COL4A2: variants seen among roughly 807,000 people sequenced by gnomAD.
The protein encoded by COL4A2 is collagen alpha-2(IV) chain.
COL4A2 carries 99 observed loss-of-function variants against 200.2 expected under a neutral mutation model. The ratio of observed to expected loss-of-function variants is 0.49; its 90% CI spans 0.42 to 0.58. The LOEUF (loss-of-function observed/expected upper bound fraction) is 0.58, where lower values mean the gene tolerates loss of function less well. Among genes scored for constraint, COL4A2 ranks in the 20% least tolerant of loss-of-function variants. The pLI, the probability that COL4A2 is intolerant of heterozygous loss-of-function variation, is 0.00. For synonymous variants in COL4A2, 897 were observed against 900.6 expected (o/e 1.00, Z 0.07); for missense variants, 1,950 against 2,314.1 (o/e 0.84, Z 3.23).
intron 4 of COL4A2, among the ~76,000 whole-genome samples, chr13:110,419,616 G>A (rs185033360): frequency 6.6e-4 from 101 of 152,292 alleles, no homozygotes; most frequent in African/African-American, 2.4e-3. Flanking sequence ...GACCCTGAGC[G>A]CATTCTCTCC....
chr13:110,439,406 G>A (rs1002188572), intron 15 of COL4A2, among the ~76,000 whole-genome samples: 16 of 152,036 alleles, frequency 1.1e-4, no homozygotes, highest in Admixed American at 2.6e-4. Flanking sequence ...ATTTCTTTAC[G>A]TGGTAGAAAT....
chr13:110,332,219 T>C (rs1340438197), intron 3 of COL4A2, among the ~76,000 whole-genome samples: 6 of 152,230 alleles, frequency 3.9e-5, no homozygotes, highest in African/African-American at 1.4e-4. Context: ...TAGCCAAGTA[T>C]ACATTAAGTA....
At chr13:110,435,498 A>G (rs1880837014) in intron 12 of COL4A2, among the ~76,000 whole-genome samples, 1 of 152,246 alleles carries the variant, frequency 6.6e-6, no homozygotes, top group African/African-American at 2.4e-5. Context: ...AAGATATTCT[A>G]TTAGTGGACA....
chr13:110,466,175 A>C, intron 26 of COL4A2, 113 bp downstream of exon 26: 1 of 1,275,062 alleles, frequency 7.8e-7, no homozygotes, highest in South Asian at 1.6e-5. Flanking sequence ...TGTGCAAGCC[A>C]CGTTTGATTT....
intron 4 of COL4A2, among the ~76,000 whole-genome samples, chr13:110,368,089 G>C (rs534862337): frequency 6.6e-6 from 1 of 152,182 alleles, no homozygotes; most frequent in Non-Finnish European, 1.5e-5. Context: ...TTCGAAGAAT[G>C]ATAGAATTAT....
At chr13:110,436,059 A>C in intron 12 of COL4A2, 1 of 747,406 alleles carries the variant, frequency 1.3e-6, no homozygotes, top group South Asian at 1.6e-5. Context: ...TTTATGCATA[A>C]ATTCTAAATG....
intron 4 of COL4A2, among the ~76,000 whole-genome samples, chr13:110,385,421 T>C (rs61963171): frequency 0.14 from 10,809 of 76,924 alleles, 1,919 homozygotes; most frequent in East Asian, 0.2. Flanking sequence ...GTGGATAGAC[T>C]GTGGTTACAG....
chr13:110,450,201 C>G (rs1881485728), intron 19 of COL4A2, 104 bp from the exon 20 acceptor site: 2 of 944,948 alleles, frequency 2.1e-6, no homozygotes, highest in Admixed American at 4.3e-5. Context: ...TTGACGGGGC[C>G]ATGAAGCCCG....
At chr13:110,480,471 G>A (rs1177214825) in intron 31 of COL4A2, 81 bp downstream of exon 31, 10 of 1,433,882 alleles carry the variant, frequency 7.0e-6, no homozygotes, top group Non-Finnish European at 8.4e-6. Flanking sequence ...GCTCTGCTGG[G>A]CGCCTCTGTG....
intron 4 of COL4A2, among the ~76,000 whole-genome samples, chr13:110,363,246 GGAGA>G (rs1877593059): frequency 6.6e-6 from 1 of 152,182 alleles, no homozygotes; most frequent in African/African-American, 2.4e-5. Context: ...CTGAGAGCCT[GGAGA>G]CTATGCTTCT....
intron 28 of COL4A2, among the ~76,000 whole-genome samples, chr13:110,471,337 T>C (rs963865360): frequency 5.9e-5 from 9 of 152,176 alleles, no homozygotes; most frequent in Non-Finnish European, 1.2e-4. Flanking sequence ...TGTGAGCCCT[T>C]ACGTCATGAA....
At chr13:110,380,660 C>T (rs1878428983) in intron 4 of COL4A2, among the ~76,000 whole-genome samples, 1 of 151,654 alleles carries the variant, frequency 6.6e-6, no homozygotes, top group South Asian at 2.1e-4. Context: ...CTATCTCACA[C>T]CCACGGGCTC....
At chr13:110,310,716 G>A (rs1010864183) in intron 3 of COL4A2, among the ~76,000 whole-genome samples, 1 of 151,866 alleles carries the variant, frequency 6.6e-6, no homozygotes, top group African/African-American at 2.4e-5. Flanking sequence ...GGCTGCCGCT[G>A]GGAGCCCTTT....
chr13:110,414,001 T>C (rs1217816991), intron 4 of COL4A2, among the ~76,000 whole-genome samples: 1 of 152,154 alleles, frequency 6.6e-6, no homozygotes, highest in Non-Finnish European at 1.5e-5. Flanking sequence ...CTTAAGTGCT[T>C]GGGGGCCTTG....
intron 4 of COL4A2, among the ~76,000 whole-genome samples, chr13:110,410,227 G>C (rs530299552): frequency 6.6e-6 from 1 of 152,334 alleles, no homozygotes; most frequent in South Asian, 2.1e-4. Context: ...AGCCACTCGT[G>C]GGCCACGTCC....
chr13:110,469,808 T>C (rs1437050605), intron 28 of COL4A2, among the ~76,000 whole-genome samples: 1 of 151,878 alleles, frequency 6.6e-6, no homozygotes, highest in Non-Finnish European at 1.5e-5. Context: ...TGCTCTGGAA[T>C]GCAGCCAGGC....
At chr13:110,426,502 CA>C (rs1880475866) in intron 6 of COL4A2, among the ~76,000 whole-genome samples, 1 of 152,206 alleles carries the variant, frequency 6.6e-6, no homozygotes, top group South Asian at 2.1e-4. Context: ...CATAAGTAAT[CA>C]GTTAACAAAT....
intron 3 of COL4A2, among the ~76,000 whole-genome samples, chr13:110,355,839 GTGGGGGGGAGGGCT>G (rs1877230948): frequency 2.1e-4 from 2 of 9,622 alleles, no homozygotes; most frequent in Non-Finnish European, 4.6e-4. Flanking sequence ...TCACCTGTGT[GTGGGGGGGAGGGCT>G]GTACTAGCTC....
chr13:110,480,486 G>A (rs980075087), intron 31 of COL4A2, 96 bp downstream of exon 31: 23 of 1,324,736 alleles, frequency 1.7e-5, no homozygotes, highest in Middle Eastern at 4.0e-4. Flanking sequence ...TCTGTGGGCC[G>A]TGGGGCTGGC....
Sources: gnomAD v4.1 joint callset for allele counts (sites outside exome capture counted in the v4.1 genomes callset) on GRCh38, gnomAD v4.1.1 for gene constraint, MANE v1.5 for transcripts, NCBI Gene and HGNC (gene_info 2026-07-23, HGNC 2026-07-21) for gene names.